PABPN1L: variants seen among roughly 807,000 people sequenced by gnomAD.
PABPN1L encodes the protein PABPN1 like, cytoplasmic.
A neutral mutation model predicts 34.0 loss-of-function variants in PABPN1L; 45 were observed. That is an observed-to-expected ratio of 1.32 (90% CI 1.04 to 1.70). PABPN1L has a LOEUF of 1.70. Among genes scored for constraint, PABPN1L ranks in the 40% most tolerant of loss-of-function variants. The pLI is 0.00. For synonymous variants in PABPN1L, 182 were observed against 152.1 expected, an observed-to-expected ratio of 1.20 and a Z score of -1.45; for missense variants, 459 against 367.8, an observed-to-expected ratio of 1.25 and a Z score of -2.03.
upstream of PABPN1L, chr16:88,866,640 G>A (rs529094348): frequency 4.6e-6 from 7 of 1,506,262 alleles, no homozygotes; most frequent in East Asian, 2.5e-5. Context: ...GGCCAGGCGA[G>A]GCCTCCCCTC....
chr16:88,863,503 G>A (rs1350783717), exon 7 of PABPN1L: 2 of 588,348 alleles, frequency 3.4e-6, no homozygotes, highest in Non-Finnish European at 6.1e-6. Flanking sequence ...GAGCCCCGCA[G>A]ATCCCCGTGG....
At chr16:88,867,155 G>A (rs943445828), upstream of PABPN1L, among the ~76,000 whole-genome samples, 1 of 151,952 alleles carries the variant, frequency 6.6e-6, no homozygotes. Context: ...AGCAACAGCT[G>A]TCTCTGCATC....
At chr16:88,863,659 G>A (rs959316017) in exon 7 of PABPN1L, 30 of 1,438,148 alleles carry the variant, frequency 2.1e-5, no homozygotes, top group African/African-American at 2.8e-5. Context: ...CTCTGGCCTC[G>A]CCCCCGCGCC....
At chr16:88,865,740 C>G (rs1394034525) in intron 2 of PABPN1L, 66 bp downstream of exon 2, 1 of 1,558,144 alleles carries the variant, frequency 6.4e-7, no homozygotes, top group Non-Finnish European at 8.7e-7. Flanking sequence ...GCCTGCCAGG[C>G]CCAACCTTAA....
At chr16:88,866,368 C>T (rs1226994417) in exon 1 of PABPN1L, 38 of 1,550,294 alleles carry the variant, frequency 2.5e-5, no homozygotes, top group Non-Finnish European at 3.2e-5. Context: ...AGGCAATGGG[C>T]ACTCAGCCAG....
chr16:88,867,932 G>A (rs1437841866), upstream of PABPN1L, among the ~76,000 whole-genome samples: 1 of 152,210 alleles, frequency 6.6e-6, no homozygotes, highest in African/African-American at 2.4e-5. Flanking sequence ...CCCAGGCCGA[G>A]GCCATCCTCT....
exon 1 of PABPN1L, chr16:88,866,457 C>G: frequency 6.4e-7 from 1 of 1,551,586 alleles, no homozygotes; most frequent in Non-Finnish European, 8.7e-7. Context: ...CCTCCTCTTT[C>G]TCCTCCTTCC....
At chr16:88,866,633 C>T, upstream of PABPN1L, 2 of 1,510,308 alleles carry the variant, frequency 1.3e-6, no homozygotes, top group Non-Finnish European at 1.8e-6. Flanking sequence ...GAAGGTGGGC[C>T]AGGCGAGGCC....
chr16:88,863,787 C>T, exon 7 of PABPN1L: 1 of 1,536,046 alleles, frequency 6.5e-7, no homozygotes, highest in Non-Finnish European at 8.7e-7. Flanking sequence ...TGAGAATTTT[C>T]CACGGGCCCT....
In PABPN1L at chr16:88,865,137, A is replaced by G. The variant is rs1968559596; in HGVS notation, c.460-9T>C. 3 of 1,561,810 alleles carry G rather than the reference A, an allele frequency of 1.9e-6. No homozygotes were observed. The highest frequency in any genetic ancestry group is 2.6e-6 in the Non-Finnish European group (3 of 1,153,746). On this transcript the variant is annotated splice_polypyrimidine_tract_variant and intron_variant, in intron 3 of 6. Transcript: ENST00000419291. ...GAGCCCCCGTAGTCCACCTGCACCC[A>G]GGCCCAGACCAGCATGTGAGGGAGA...
At chr16:88,864,475 G>A in intron 5 of PABPN1L, 96 bp from the exon 6 acceptor site, 2 of 1,448,164 alleles carry the variant, frequency 1.4e-6, no homozygotes, top group Non-Finnish European at 1.8e-6. Context: ...ATGGGGTCCT[G>A]CCCGGCTCAG....
At chr16:88,863,947 C>G (rs1220405673) in intron 6 of PABPN1L, among the ~76,000 whole-genome samples, 152 bp from the exon 7 acceptor site, 1 of 152,218 alleles carries the variant, frequency 6.6e-6, no homozygotes, top group African/African-American at 2.4e-5. Flanking sequence ...CCCAGCTGCT[C>G]TCTTGGGAGG....
At chr16:88,866,716 T>C (rs925407882), upstream of PABPN1L, 1 of 1,389,512 alleles carries the variant, frequency 7.2e-7, no homozygotes, top group Admixed American at 2.8e-5. Flanking sequence ...TGAGGCCAGC[T>C]GCTCCCACTA....
chr16:88,866,752 C>T (rs370044797), upstream of PABPN1L: 31 of 1,186,366 alleles, frequency 2.6e-5, no homozygotes, highest in East Asian at 7.1e-4. Context: ...CTGAGTGGGG[C>T]TGAGCTTCCA....
At chr16:88,865,500 A>G (rs2143020188) in intron 3 of PABPN1L, 63 bp downstream of exon 3, 2 of 1,566,316 alleles carry the variant, frequency 1.3e-6, no homozygotes. Context: ...GCCGGGCGCC[A>G]GACCCTCTGG....
intron 1 of PABPN1L, 22 bp downstream of exon 1, chr16:88,866,330 A>G: frequency 6.5e-7 from 1 of 1,543,438 alleles, no homozygotes; most frequent in Non-Finnish European, 8.7e-7. Flanking sequence ...TGAGATCCCC[A>G]GGGCCTCCAC....
At chr16:88,864,277 G>T in exon 6 of PABPN1L, 2 of 1,550,058 alleles carry the variant, frequency 1.3e-6, no homozygotes, top group Non-Finnish European at 1.7e-6. Flanking sequence ...CTGCCCTGGA[G>T]GCCGCTGTGG....
At chr16:88,864,801 T>A in intron 5 of PABPN1L, 52 bp downstream of exon 5, 1 of 1,515,064 alleles carries the variant, frequency 6.6e-7, no homozygotes, top group East Asian at 2.4e-5. Flanking sequence ...CCAGGGCCAG[T>A]GGGCCAGCCC....
exon 2 of PABPN1L, chr16:88,865,928 A>C: frequency 6.2e-7 from 1 of 1,607,202 alleles, no homozygotes; most frequent in South Asian, 1.1e-5. Context: ...CTTCATCTTG[A>C]TGGCCTCCAG....
Sources: allele counts gnomAD v4.1 joint callset (sites outside exome capture counted in the v4.1 genomes callset), GRCh38; gene constraint gnomAD v4.1.1; transcripts MANE v1.5; gene names NCBI Gene and HGNC (gene_info 2026-07-23, HGNC 2026-07-21).